SAMSN1: variants seen among roughly 807,000 people sequenced by gnomAD.
The protein encoded by SAMSN1 is SAM domain, SH3 domain and nuclear localization signals 1.
Under a neutral mutation model 42.0 loss-of-function variants are expected in SAMSN1, and 31 were observed. The observed-to-expected ratio is 0.74, with a 90% CI of 0.55 to 1.00. The LOEUF (loss-of-function observed/expected upper bound fraction) is 1.00, where lower values mean the gene tolerates loss of function less well. Among genes scored for constraint, SAMSN1 ranks in the 50% least tolerant of loss-of-function variants. The probability of loss-of-function intolerance (pLI) is 0.00; values close to 1 mark genes in which losing one functional copy is unlikely to be tolerated. For missense variants in SAMSN1, 464 were observed against 439.4 expected, an observed-to-expected ratio of 1.06 and a Z score of -0.50; for synonymous variants, 178 against 151.9, an observed-to-expected ratio of 1.17 and a Z score of -1.26.
At chr21:14,620,964 C>A (rs995628094) in intron 2 of SAMSN1, among the ~76,000 whole-genome samples, 4 of 152,150 alleles carry the variant, frequency 2.6e-5, no homozygotes, top group African/African-American at 9.7e-5. Flanking sequence ...TGTTCACTTG[C>A]ATAACTAAAA....
At chr21:14,655,643 G>A (rs1983903050) in intron 1 of SAMSN1, among the ~76,000 whole-genome samples, 1 of 151,628 alleles carries the variant, frequency 6.6e-6, no homozygotes, top group African/African-American at 2.4e-5. Flanking sequence ...GAAAAGGCAG[G>A]ACTTCCTTAA....
chr21:14,558,045 G>C (rs780549100), intron 2 of SAMSN1, among the ~76,000 whole-genome samples: 19 of 152,118 alleles, frequency 1.2e-4, no homozygotes, highest in Non-Finnish European at 2.6e-4. Context: ...AACACATATA[G>C]GTGCTTGATT....
At chr21:14,493,669 T>G (rs1443850544) in intron 7 of SAMSN1, among the ~76,000 whole-genome samples, 4 of 152,084 alleles carry the variant, frequency 2.6e-5, no homozygotes, top group African/African-American at 9.7e-5. Flanking sequence ...AAATGAAACA[T>G]TTTTAAATTC....
At chr21:14,574,109 G>A (rs978367039) in intron 2 of SAMSN1, among the ~76,000 whole-genome samples, 1 of 152,112 alleles carries the variant, frequency 6.6e-6, no homozygotes, top group Non-Finnish European at 1.5e-5. Flanking sequence ...TTGGTGATTT[G>A]CTTCCTTCTG....
intron 7 of SAMSN1, among the ~76,000 whole-genome samples, chr21:14,486,668 T>C (rs1386384080): frequency 6.6e-6 from 1 of 152,168 alleles, no homozygotes; most frequent in Non-Finnish European, 1.5e-5. Context: ...TCCAGAATTT[T>C]CCTATGTTTG....
At position 14,565,939 on chromosome 21, in the gene SAMSN1, G is replaced by A. The variant is rs552785105; in HGVS notation, c.261+16197C>T. On this transcript the variant is annotated intron_variant, in intron 2 of 8. Transcript: ENST00000285670. ...AACCTTGTCTCCTTGCCAATGGGAC[G>A]TATGTCTTGACAATGAAAATAACAG... Among the ~76,000 whole-genome samples the A allele has an allele frequency of 7.9e-5, 12 of 152,298 alleles. No individual in the cohort carries two copies. In the South Asian group the frequency reaches 2.3e-3, roughly 29 times the overall value.
At chr21:14,544,103 G>C (rs1444050216) in intron 1 of SAMSN1, among the ~76,000 whole-genome samples, 3 of 152,180 alleles carry the variant, frequency 2.0e-5, no homozygotes, top group African/African-American at 7.2e-5. Context: ...AGGCTGGAGT[G>C]CAGTGGCACG....
chr21:14,608,318 A>C (rs1982617691), intron 5 of SAMSN1, among the ~76,000 whole-genome samples: 1 of 152,208 alleles, frequency 6.6e-6, no homozygotes, highest in South Asian at 2.1e-4. Context: ...AAGGGAGAGC[A>C]AAGTTATTGT....
intron 2 of SAMSN1, among the ~76,000 whole-genome samples, chr21:14,561,714 G>A (rs1043421261): frequency 1.3e-5 from 2 of 152,192 alleles, no homozygotes; most frequent in Non-Finnish European, 2.9e-5. Flanking sequence ...TTAAGATGAG[G>A]TCATATGAAG....
At chr21:14,558,161 G>T (rs970689117) in intron 2 of SAMSN1, among the ~76,000 whole-genome samples, 1 of 152,132 alleles carries the variant, frequency 6.6e-6, no homozygotes, top group African/African-American at 2.4e-5. Context: ...GCAGACAGGG[G>T]CTCAGGAAAT....
At chr21:14,635,932 G>T (rs768334711) in intron 2 of SAMSN1, among the ~76,000 whole-genome samples, 7 of 151,902 alleles carry the variant, frequency 4.6e-5, no homozygotes, top group Non-Finnish European at 7.4e-5. Flanking sequence ...TTTACATTTG[G>T]TATTTCTCCT....
chr21:14,536,381 T>C (rs1033956095), intron 1 of SAMSN1, among the ~76,000 whole-genome samples: 2 of 152,196 alleles, frequency 1.3e-5, no homozygotes, highest in African/African-American at 2.4e-5. Flanking sequence ...TTATAAAGCT[T>C]CCTATAAAAT....
At chr21:14,569,963 C>G (rs564986900) in intron 2 of SAMSN1, among the ~76,000 whole-genome samples, 25 of 144,132 alleles carry the variant, frequency 1.7e-4, no homozygotes, top group Non-Finnish European at 3.1e-4. Context: ...GTTTTTAAAA[C>G]TGTGGTGTCT....
intron 2 of SAMSN1, among the ~76,000 whole-genome samples, chr21:14,572,078 TC>T (rs1981319923): frequency 1.3e-5 from 2 of 152,210 alleles, no homozygotes; most frequent in Admixed American, 1.3e-4. Context: ...GCCACACAGC[TC>T]AGGGAAATAC....
chr21:14,597,589 A>G (rs1217718644), intron 6 of SAMSN1, among the ~76,000 whole-genome samples: 1 of 152,226 alleles, frequency 6.6e-6, no homozygotes. Flanking sequence ...CATTAGCAAA[A>G]GTGATTGTTT....
chr21:14,506,324 A>C (rs1055045815), intron 5 of SAMSN1, among the ~76,000 whole-genome samples: 1 of 151,900 alleles, frequency 6.6e-6, no homozygotes, highest in African/African-American at 2.4e-5. Flanking sequence ...GACCATTAGT[A>C]AGAATTCAAA....
chr21:14,489,984 G>C (rs1031697998), intron 7 of SAMSN1, among the ~76,000 whole-genome samples: 4 of 151,994 alleles, frequency 2.6e-5, no homozygotes, highest in Non-Finnish European at 5.9e-5. Flanking sequence ...TCCTTATTCT[G>C]GGAAAAAGTT....
chr21:14,535,746 GCAGC>G (rs1979567511), intron 1 of SAMSN1, among the ~76,000 whole-genome samples: 1 of 152,124 alleles, frequency 6.6e-6, no homozygotes, highest in South Asian at 2.1e-4. Flanking sequence ...CAATAAAAGG[GCAGC>G]CATCTACATG....
At chr21:14,596,894 G>A (rs1982282659) in intron 6 of SAMSN1, among the ~76,000 whole-genome samples, 1 of 152,006 alleles carries the variant, frequency 6.6e-6, no homozygotes, top group African/African-American at 2.4e-5. Flanking sequence ...TGACCCACAG[G>A]GACTGTGAAA....
Sources: allele counts gnomAD v4.1 joint callset (sites outside exome capture counted in the v4.1 genomes callset), GRCh38; gene constraint gnomAD v4.1.1; transcripts MANE v1.5; gene names NCBI Gene and HGNC (gene_info 2026-07-23, HGNC 2026-07-21).